PEX5L: variants seen among roughly 807,000 people sequenced by gnomAD.
The protein encoded by PEX5L is PEX5-related protein.
A neutral mutation model predicts 84.0 loss-of-function variants in PEX5L; 30 were observed. The ratio of observed to expected loss-of-function variants is 0.36; its 90% CI spans 0.27 to 0.48. The LOEUF (loss-of-function observed/expected upper bound fraction) is 0.48, where lower values mean the gene tolerates loss of function less well. PEX5L is among the 20% of genes least tolerant of loss of function. The pLI, the probability that PEX5L is intolerant of heterozygous loss-of-function variation, is 0.99. For synonymous variants in PEX5L, 270 were observed against 283.1 expected, an observed-to-expected ratio of 0.95 and a Z score of 0.46; for missense variants, 533 against 754.6, an observed-to-expected ratio of 0.71 and a Z score of 3.44.
At chr3:179,973,518 A>G (rs1481496939) in intron 1 of PEX5L, 1 of 958,714 alleles carries the variant, frequency 1.0e-6, no homozygotes. Flanking sequence ...TAAAAAATCT[A>G]CCTATTTTAA....
chr3:179,923,052 G>A (rs113885268), intron 2 of PEX5L, among the ~76,000 whole-genome samples: 41,503 of 151,576 alleles, frequency 0.27, 6,190 homozygotes, highest in Non-Finnish European at 0.34. Context: ...CACTTTGGGA[G>A]GCCGAGGCGG....
chr3:179,972,963 T>C (rs1051679709), intron 1 of PEX5L, among the ~76,000 whole-genome samples: 1 of 152,182 alleles, frequency 6.6e-6, no homozygotes, highest in African/African-American at 2.4e-5. Context: ...TTATTATTCT[T>C]GTCCTCATTT....
intron 6 of PEX5L, among the ~76,000 whole-genome samples, chr3:179,874,738 G>GTTTTTTTTTT (rs3836472): frequency 2.4e-3 from 109 of 45,974 alleles, no homozygotes; most frequent in African/African-American, 6.7e-3. Flanking sequence ...TTTTTTTTTT[G>GTTTTTTTTTT]TTTTTTTTTT....
At chr3:179,967,629 C>G (rs1489019830) in intron 2 of PEX5L, among the ~76,000 whole-genome samples, 1 of 152,048 alleles carries the variant, frequency 6.6e-6, no homozygotes, top group Non-Finnish European at 1.5e-5. Context: ...CTGTGGTTTT[C>G]TTGTTTTCTG....
intron 2 of PEX5L, among the ~76,000 whole-genome samples, chr3:179,919,598 G>A (rs1475495900): frequency 6.6e-6 from 1 of 152,136 alleles, no homozygotes; most frequent in African/African-American, 2.4e-5. Context: ...GTCAGCAGTC[G>A]ATGTGCCTTG....
chr3:179,986,649 G>A (rs369353098), intron 1 of PEX5L, among the ~76,000 whole-genome samples: 162 of 152,180 alleles, frequency 1.1e-3, no homozygotes, highest in African/African-American at 3.7e-3. Context: ...TGATCCGCCC[G>A]TCTTGGCCTC....
intron 1 of PEX5L, among the ~76,000 whole-genome samples, chr3:180,011,229 T>A (rs1323375111): frequency 6.6e-6 from 1 of 152,222 alleles, no homozygotes; most frequent in Non-Finnish European, 1.5e-5. Context: ...AGTCTAACAA[T>A]TTTGTGGCAG....
intron 5 of PEX5L, among the ~76,000 whole-genome samples, chr3:179,876,718 C>T (rs866940676): frequency 2.6e-5 from 4 of 152,112 alleles, no homozygotes; most frequent in Non-Finnish European, 4.4e-5. Flanking sequence ...TCATTAAACA[C>T]GAACTCCTCA....
intron 8 of PEX5L, among the ~76,000 whole-genome samples, chr3:179,830,001 T>C (rs1732156354): frequency 6.8e-6 from 1 of 146,494 alleles, no homozygotes; most frequent in Non-Finnish European, 1.5e-5. Flanking sequence ...TTCACCATGT[T>C]GGCCAGGCTG....
chr3:180,026,133 C>CTT (rs368852075), intron 1 of PEX5L, among the ~76,000 whole-genome samples: 4,271 of 101,672 alleles, frequency 0.042, 283 homozygotes, highest in African/African-American at 0.12. Flanking sequence ...TTTCAGCATT[C>CTT]TTTTTTTTTT....
intron 2 of PEX5L, among the ~76,000 whole-genome samples, chr3:179,947,290 A>C: frequency 6.9e-6 from 1 of 144,974 alleles, no homozygotes; most frequent in African/African-American, 2.5e-5. Context: ...TACAGTTACC[A>C]TTAATTGAAT....
chr3:180,025,044 T>C (rs748107372), intron 1 of PEX5L, among the ~76,000 whole-genome samples: 2 of 152,224 alleles, frequency 1.3e-5, no homozygotes, highest in Non-Finnish European at 2.9e-5. Context: ...TTAAAGAGGT[T>C]GAACCCATTA....
In PEX5L at chr3:179,800,922, T is replaced by G. The variant is rs775094985; in HGVS notation, c.*906A>C. The G allele has an allele frequency of 6.6e-6, 1 of 152,372 alleles. No individual in the cohort carries two copies. 9.4% of individuals were successfully genotyped at this position (152,372 alleles called of 1,614,324 possible). On this transcript the variant is annotated 3_prime_UTR_variant, in exon 15 of 15. Transcript: ENST00000467460. ...AAACTTTCTTCCTGCAGAGAATGCA[T>G]GAAGAGACAGTACCTTGTGTCTTAC...
chr3:179,955,804 A>G (rs1206147654), intron 2 of PEX5L, among the ~76,000 whole-genome samples: 1 of 152,170 alleles, frequency 6.6e-6, no homozygotes, highest in Non-Finnish European at 1.5e-5. Flanking sequence ...TTATCTAAAT[A>G]ATCACTCAAA....
intron 2 of PEX5L, among the ~76,000 whole-genome samples, chr3:179,915,952 C>CT (rs1235009880): frequency 6.6e-6 from 1 of 152,214 alleles, no homozygotes; most frequent in Admixed American, 6.5e-5. Flanking sequence ...ACAAACACCT[C>CT]TTTGAGTGGA....
chr3:179,863,475 C>T (rs942528703), intron 7 of PEX5L, among the ~76,000 whole-genome samples: 1 of 152,030 alleles, frequency 6.6e-6, no homozygotes, highest in Non-Finnish European at 1.5e-5. Flanking sequence ...ATATAAGGAA[C>T]TTAACTCAAT....
chr3:179,843,820 A>C (rs528273699), intron 8 of PEX5L, among the ~76,000 whole-genome samples: 1 of 152,350 alleles, frequency 6.6e-6, no homozygotes, highest in South Asian at 2.1e-4. Context: ...ACTGGGCCAC[A>C]TATCTATCTA....
At chr3:179,975,252 A>T (rs1785635611) in intron 1 of PEX5L, among the ~76,000 whole-genome samples, 1 of 152,182 alleles carries the variant, frequency 6.6e-6, no homozygotes, top group Non-Finnish European at 1.5e-5. Context: ...GATGTATCAT[A>T]TAGGAACATT....
intron 1 of PEX5L, among the ~76,000 whole-genome samples, chr3:180,031,716 A>G (rs1253624228): frequency 6.6e-6 from 1 of 152,186 alleles, no homozygotes; most frequent in Non-Finnish European, 1.5e-5. Context: ...CTTATGTTGG[A>G]AACATGTGAT....
Sources: allele counts gnomAD v4.1 joint callset (sites outside exome capture counted in the v4.1 genomes callset), GRCh38; gene constraint gnomAD v4.1.1; transcripts MANE v1.5; gene names NCBI Gene and HGNC (gene_info 2026-07-23, HGNC 2026-07-21).